The following GALNS variants were observed in gnomAD, a reference collection of about 807,000 sequenced individuals.
The protein encoded by GALNS is N-acetylgalactosamine-6-sulfatase.
A neutral mutation model predicts 65.9 loss-of-function variants in GALNS; 65 were observed. That is an observed-to-expected ratio of 0.99 (90% CI 0.81 to 1.21). GALNS has a LOEUF of 1.21. GALNS is among the 50% of genes most tolerant of loss of function. The pLI, the probability that GALNS is intolerant of heterozygous loss-of-function variation, is 0.00. For synonymous variants in GALNS, 346 were observed against 288.9 expected (o/e 1.20, Z -2.00); for missense variants, 776 against 700.7 (o/e 1.11, Z -1.21).
At chr16:88,816,852 G>C in intron 13 of GALNS, 1 of 985,472 alleles carries the variant, frequency 1.0e-6, no homozygotes, top group Non-Finnish European at 1.2e-6. Context: ...CTGCCGAGGG[G>C]CCTTCTTCCC....
rs918629894 is a variant in GALNS at position 88,815,314 on chromosome 16, C to T, written c.1483-789G>A. The T allele has an allele frequency of 1.0e-5, 10 of 985,466 alleles. No individual in the cohort carries two copies. The Admixed American group carries it at 5.5e-4, about 54-fold the overall frequency. The allele number at this position is 985,466 out of a possible 1,614,324, so 61.0% of individuals were successfully genotyped here. ...AGTGTTAGAAAGGGCAGGCGGTCCT[C>T]CCAGGAGGGCCCACCCTGAGCTTCT... On this transcript the variant is annotated intron_variant, in intron 13 of 13. Transcript: ENST00000268695.
intron 8 of GALNS, among the ~76,000 whole-genome samples, chr16:88,833,138 A>C (rs561397697): frequency 2.7e-5 from 4 of 150,914 alleles, no homozygotes; most frequent in South Asian, 4.2e-4. Flanking sequence ...TGAACCATCC[A>C]GGGGAGGCAA....
At chr16:88,853,241 G>C (rs533751488) in intron 1 of GALNS, among the ~76,000 whole-genome samples, 25 of 109,546 alleles carry the variant, frequency 2.3e-4, no homozygotes, top group African/African-American at 9.4e-4. Flanking sequence ...ACCAGAGTGA[G>C]ACTCCATCTC....
At chr16:88,827,886 C>T (rs138897456) in intron 9 of GALNS, among the ~76,000 whole-genome samples, 43 of 152,348 alleles carry the variant, frequency 2.8e-4, no homozygotes, top group Non-Finnish European at 4.9e-4. Context: ...CCCTGGAGCT[C>T]CCACCCAGTG....
intron 4 of GALNS, among the ~76,000 whole-genome samples, chr16:88,839,635 G>A (rs1225032089): frequency 1.3e-5 from 2 of 152,210 alleles, no homozygotes; most frequent in Admixed American, 6.5e-5. Context: ...GCTGGGATAG[G>A]GACCCCCCCA....
intron 1 of GALNS, among the ~76,000 whole-genome samples, chr16:88,847,412 T>G (rs1014439965): frequency 6.6e-6 from 1 of 152,120 alleles, no homozygotes; most frequent in South Asian, 2.1e-4. Context: ...TTCTCCAAAT[T>G]CACCCCATCC....
rs190672441 is a variant in GALNS, at chr16:88,817,961, C to T, written c.1482+46G>A. ...TTCATCCTGGGCCCCGGGTGGGTGGCTGCAGCCCCGGCAAAGAGACGGCCG... is the reference window on the plus strand; with the variant it reads ...TTCATCCTGGGCCCCGGGTGGGTGGTTGCAGCCCCGGCAAAGAGACGGCCG... On this transcript the variant is annotated intron_variant, in intron 13 of 13. Transcript: ENST00000268695. 4.9e-3 allele frequency: 7,228 copies of T among 1,482,406 alleles called. 27 individuals are homozygous for T. The highest frequency in any genetic ancestry group is 6.0e-3 in the Non-Finnish European group (6,611 of 1,093,566). The allele number at this position is 1,482,406 out of a possible 1,614,324, so 91.8% of individuals were successfully genotyped here. A position where few individuals can be genotyped will look rare whatever the true frequency, so the allele number is the denominator to read the frequency against.
At position 88,856,395 on chromosome 16, in the gene GALNS, A is replaced by C. The variant is rs1223035780; in HGVS notation, c.120+363T>G. On this transcript the variant is annotated intron_variant, in intron 1 of 13. Coordinates refer to ENST00000268695, the MANE Select transcript of GALNS (RefSeq NM_000512.5). ...GCGCGCCCACCTTTCCCAAGAGTAG[A>C]GGGCGGGAAAGGTCAGACGGGGGAG... The C allele has an allele frequency of 4.3e-6, 3 of 701,568 alleles. No homozygotes were observed. The East Asian group carries it at 8.1e-5, about 19-fold the overall frequency. 43.5% of individuals were successfully genotyped at this position (701,568 alleles called of 1,614,324 possible). A position where few individuals can be genotyped will look rare whatever the true frequency, so the allele number is the denominator to read the frequency against.
At chr16:88,817,879 C>T in intron 13 of GALNS, 128 bp downstream of exon 13, 2 of 838,150 alleles carry the variant, frequency 2.4e-6, no homozygotes, top group East Asian at 2.7e-5. Context: ...GGCACGAGGG[C>T]CTCACCACTG....
At chr16:88,842,031 G>T in intron 2 of GALNS, 60 bp from the exon 3 acceptor site, 2 of 1,448,222 alleles carry the variant, frequency 1.4e-6, no homozygotes. Flanking sequence ...GACCCCGGGC[G>T]TCAACAAGAG....
chr16:88,854,353 C>T (rs1304264062), intron 1 of GALNS, among the ~76,000 whole-genome samples: 1 of 152,222 alleles, frequency 6.6e-6, no homozygotes. Context: ...GTGAGGACCC[C>T]CTTGCACCCT....
chr16:88,836,065 G>A (rs867626924), intron 6 of GALNS, 136 bp downstream of exon 6: 1 of 1,080,780 alleles, frequency 9.3e-7, no homozygotes, highest in Middle Eastern at 2.3e-4. Flanking sequence ...GGGCGAGGGT[G>A]ATGAGGTCCC....
intron 5 of GALNS, among the ~76,000 whole-genome samples, chr16:88,837,373 C>T (rs1912247895): frequency 6.6e-6 from 1 of 152,240 alleles, no homozygotes; most frequent in African/African-American, 2.4e-5. Flanking sequence ...GGGCCTTCCT[C>T]TCTCAGGACA....
chr16:88,814,184 G>C lies in GALNS; in HGVS notation c.*255C>G. ...GGGTTCACAAAGGCGTGAGACGGCA[G>C]GGTCCTGAGGTCTGAGGCGCCGTGG... On this transcript the variant is annotated 3_prime_UTR_variant, in exon 14 of 14. Transcript: ENST00000268695. 1.7e-6 allele frequency: 1 copy of C among 576,500 alleles called. No homozygotes were observed. The allele number at this position is 576,500 out of a possible 1,614,324, so 35.7% of individuals were successfully genotyped here. A position where few individuals can be genotyped will look rare whatever the true frequency, so the allele number is the denominator to read the frequency against.
At chr16:88,824,965 C>T in intron 10 of GALNS, 96 bp from the exon 11 acceptor site, 1 of 927,666 alleles carries the variant, frequency 1.1e-6, no homozygotes, top group Non-Finnish European at 1.7e-6. Context: ...TGGCTCATGC[C>T]TCCACGTGAG....
intron 4 of GALNS, 50 bp from the exon 5 acceptor site, chr16:88,837,815 G>C (rs1411214432): frequency 1.9e-6 from 3 of 1,604,922 alleles, no homozygotes; most frequent in Non-Finnish European, 2.6e-6. Flanking sequence ...GGGGACACTC[G>C]GAAGTTCTGA....
At chr16:88,835,414 G>C in intron 7 of GALNS, 62 bp from the exon 8 acceptor site, 4 of 1,595,418 alleles carry the variant, frequency 2.5e-6, no homozygotes, top group Non-Finnish European at 3.4e-6. Flanking sequence ...GGATCAGGCA[G>C]CCAACGGCAT....
chr16:88,840,029 G>C (rs1285017877), intron 4 of GALNS, among the ~76,000 whole-genome samples: 1 of 152,232 alleles, frequency 6.6e-6, no homozygotes, highest in Non-Finnish European at 1.5e-5. Context: ...ACTGGCTCAG[G>C]GACTATGCAG....
rs1407770072 is a variant in GALNS at position 88,842,848 on chromosome 16, G to A, written c.121-19C>T. 6.2e-7 allele frequency: 1 copy of A among 1,612,158 alleles called. No homozygotes were observed. The highest frequency in any genetic ancestry group is 1.7e-5 in the Admixed American group (1 of 59,938). On this transcript the variant is annotated intron_variant, in intron 1 of 13. Transcript: ENST00000268695. Reference sequence around the variant, plus strand: ...ATCCCATCTGCAGGGAAGAGCACGGGGAGGAGGAATGAGCGCCTTCTGCAG... The same window carrying A: ...ATCCCATCTGCAGGGAAGAGCACGGAGAGGAGGAATGAGCGCCTTCTGCAG...
Sources: gnomAD v4.1 joint callset for allele counts (sites outside exome capture counted in the v4.1 genomes callset) on GRCh38, gnomAD v4.1.1 for gene constraint, MANE v1.5 for transcripts, NCBI Gene and HGNC (gene_info 2026-07-23, HGNC 2026-07-21) for gene names.